The following RASGRF2 variants were observed in gnomAD, a reference collection of about 807,000 sequenced individuals.
RASGRF2 encodes the protein Ras protein specific guanine nucleotide releasing factor 2, also known as ras-specific guanine nucleotide-releasing factor 2.
RASGRF2 carries 76 observed loss-of-function variants against 151.0 expected under a neutral mutation model. That is an observed-to-expected ratio of 0.50 (90% CI 0.42 to 0.61). The LOEUF (loss-of-function observed/expected upper bound fraction) is 0.61. Ranked by LOEUF, RASGRF2 falls within the 20% of genes least tolerant of loss-of-function variation. RASGRF2 has a pLI of 0.00. For synonymous variants in RASGRF2, 504 were observed against 566.5 expected, an observed-to-expected ratio of 0.89 and a Z score of 1.57; for missense variants, 1,148 against 1,564.6, an observed-to-expected ratio of 0.73 and a Z score of 4.49.
At chr5:81,072,997 G>A (rs1751825123) in intron 4 of RASGRF2, among the ~76,000 whole-genome samples, 1 of 152,248 alleles carries the variant, frequency 6.6e-6, no homozygotes, top group African/African-American at 2.4e-5. Context: ...GTAAATGTTT[G>A]TTGATTGGCT....
intron 13 of RASGRF2, among the ~76,000 whole-genome samples, chr5:81,111,966 A>G (rs1383598039): frequency 6.6e-6 from 1 of 152,234 alleles, no homozygotes. Context: ...TTTTGCTTTA[A>G]GGGCATAAGC....
intron 1 of RASGRF2, among the ~76,000 whole-genome samples, chr5:80,982,609 A>ATTATTATTATTATTC: frequency 6.8e-6 from 1 of 146,458 alleles, no homozygotes; most frequent in African/African-American, 2.5e-5. Context: ...TATTATTATT[A>ATTATTATTATTATTC]TTATTATTTG....
At chr5:81,126,425 C>T (rs1753454690) in intron 16 of RASGRF2, among the ~76,000 whole-genome samples, 1 of 152,074 alleles carries the variant, frequency 6.6e-6, no homozygotes, top group African/African-American at 2.4e-5. Context: ...GTATATAGTT[C>T]AGTCTTTTTT....
chr5:80,985,122 G>A (rs1179711935), intron 1 of RASGRF2, among the ~76,000 whole-genome samples: 1 of 152,160 alleles, frequency 6.6e-6, no homozygotes, highest in East Asian at 1.9e-4. Context: ...TGAGGTGAGA[G>A]GATAACTTGA....
At chr5:80,995,221 C>A (rs572572) in intron 1 of RASGRF2, among the ~76,000 whole-genome samples, 123,236 of 146,792 alleles carry the variant, frequency 0.84, 52,085 homozygotes, top group Middle Eastern at 0.93. Context: ...GCGCCACTGC[C>A]CTCCAGCCTG....
intron 1 of RASGRF2, among the ~76,000 whole-genome samples, chr5:81,012,653 T>C (rs1749504261): frequency 6.6e-6 from 1 of 152,108 alleles, no homozygotes; most frequent in Non-Finnish European, 1.5e-5. Flanking sequence ...GTCCAGCCAC[T>C]TCAGACTGAG....
chr5:81,066,357 A>G (rs546204574), intron 2 of RASGRF2, among the ~76,000 whole-genome samples: 39 of 152,242 alleles, frequency 2.6e-4, no homozygotes, highest in African/African-American at 9.1e-4. Flanking sequence ...GGTGCTGAGG[A>G]TGTTGAGATA....
intron 1 of RASGRF2, among the ~76,000 whole-genome samples, chr5:81,002,517 GA>G (rs1453039799): frequency 6.6e-6 from 1 of 152,136 alleles, no homozygotes; most frequent in African/African-American, 2.4e-5. Context: ...CTGTGACTCA[GA>G]AAACATGATA....
At position 81,023,956 on chromosome 5, in the gene RASGRF2, T is replaced by C. The variant is rs566071540; in HGVS notation, c.289-18921T>C. On this transcript the variant is annotated intron_variant, in intron 1 of 26. Coordinates refer to ENST00000265080, the MANE Select transcript of RASGRF2 (RefSeq NM_006909.3). Reference sequence around the variant, plus strand: ...TTAAGTGGAGATTTATTGAATATAATGTTAACCTCAATACTTCCCATTCCC... The same window carrying C: ...TTAAGTGGAGATTTATTGAATATAACGTTAACCTCAATACTTCCCATTCCC... 3.3e-5 allele frequency among the ~76,000 whole-genome samples: 5 copies of C among 152,346 alleles called. No homozygotes were observed. The South Asian group carries it at 1.0e-3, about 32-fold the overall frequency.
At chr5:81,045,594 G>C (rs2112400862) in intron 2 of RASGRF2, among the ~76,000 whole-genome samples, 2 of 152,154 alleles carry the variant, frequency 1.3e-5, no homozygotes, top group East Asian at 3.9e-4. Context: ...TGAAGATTTG[G>C]TTAATAATTG....
At chr5:81,062,111 G>A (rs1751461614) in intron 2 of RASGRF2, among the ~76,000 whole-genome samples, 1 of 151,978 alleles carries the variant, frequency 6.6e-6, no homozygotes, top group African/African-American at 2.4e-5. Flanking sequence ...CAAAGTGTTG[G>A]GATTGTAAGC....
At chr5:81,037,197 T>A (rs1405927928) in intron 1 of RASGRF2, among the ~76,000 whole-genome samples, 1 of 152,132 alleles carries the variant, frequency 6.6e-6, no homozygotes, top group Non-Finnish European at 1.5e-5. Flanking sequence ...CACATGAGAA[T>A]TATGGGAGCT....
chr5:80,984,290 G>A (rs189141278), intron 1 of RASGRF2, among the ~76,000 whole-genome samples: 2 of 152,318 alleles, frequency 1.3e-5, no homozygotes, highest in African/African-American at 4.8e-5. Flanking sequence ...CTGGCCTCAA[G>A]TGATCCACCC....
intron 17 of RASGRF2, among the ~76,000 whole-genome samples, chr5:81,172,565 A>G (rs1471735339): frequency 1.3e-5 from 2 of 152,140 alleles, no homozygotes; most frequent in African/African-American, 2.4e-5. Context: ...GAACACACTT[A>G]TAGAAAGGTA....
At chr5:81,021,641 T>G (rs568113959) in intron 1 of RASGRF2, among the ~76,000 whole-genome samples, 4 of 152,256 alleles carry the variant, frequency 2.6e-5, no homozygotes, top group African/African-American at 9.6e-5. Flanking sequence ...ATTGCTCTGC[T>G]CAGCCTTGGC....
chr5:81,044,957 A>T (rs372488325), intron 2 of RASGRF2, among the ~76,000 whole-genome samples: 16 of 152,198 alleles, frequency 1.1e-4, no homozygotes, highest in African/African-American at 3.4e-4. Flanking sequence ...TCTGAGATGC[A>T]TGGGGCTGGC....
At position 81,113,561 on chromosome 5, in the gene RASGRF2, C is replaced by G; in HGVS notation, c.2111C>G (p.Thr704Ser). 1.2e-6 allele frequency: 2 copies of G among 1,610,222 alleles called. No individual in the cohort carries two copies. The highest frequency in any genetic ancestry group is 1.7e-6 in the Non-Finnish European group (2 of 1,177,298). The change falls in exon 15 of 27, where the codon ACC becomes AGC. Residue 704 changes from threonine (T) to serine (S), a missense_variant. Thr to Ser is a moderately conservative substitution (Grantham distance 58). Around this residue, in one of 5 missense-constraint regions of RASGRF2, gnomAD observed 646 missense variants for 807.4 expected, o/e 0.80. Coordinates refer to ENST00000265080, the MANE Select transcript of RASGRF2 (RefSeq NM_006909.3). ...PVRSLELFFA[T>S]SQNNRGEHLV... ...AGGTCATTGGAATTGTTTTTTGCTA[C>G]CAGCCAGAACAACAGAGGTGAACAT... is the stretch of plus-strand genomic sequence containing the variant.
chr5:81,131,046 T>A (rs1753603779), intron 17 of RASGRF2, among the ~76,000 whole-genome samples: 2 of 152,314 alleles, frequency 1.3e-5, no homozygotes, highest in East Asian at 3.9e-4. Context: ...CTCTGGGTTA[T>A]AACTGTCAAT....
At chr5:81,060,447 T>C (rs1165348456) in intron 2 of RASGRF2, among the ~76,000 whole-genome samples, 2 of 80,496 alleles carry the variant, frequency 2.5e-5, no homozygotes, top group Admixed American at 2.5e-4. Context: ...AATTGTAACC[T>C]CTGCCCCCCT....
Sources: allele counts gnomAD v4.1 joint callset (sites outside exome capture counted in the v4.1 genomes callset), GRCh38; gene constraint gnomAD v4.1.1; regional missense constraint gnomAD v4.1.1; transcripts MANE v1.5; gene names NCBI Gene and HGNC (gene_info 2026-07-23, HGNC 2026-07-21).